The following IFI16 variants were observed in gnomAD, a reference collection of about 807,000 sequenced individuals.
IFI16 encodes gamma-interferon-inducible protein 16.
A neutral mutation model predicts 68.4 loss-of-function variants in IFI16; 49 were observed. That is an observed-to-expected ratio of 0.72 (90% CI 0.57 to 0.91). The LOEUF is 0.91. Among genes scored for constraint, IFI16 ranks in the 40% least tolerant of loss-of-function variants. The probability of loss-of-function intolerance (pLI) is 0.00; values close to 1 mark genes in which losing one functional copy is unlikely to be tolerated. For synonymous variants in IFI16, 307 were observed against 315.0 expected (o/e 0.97, Z 0.27); for missense variants, 878 against 942.9 (o/e 0.93, Z 0.90).
chr1:159,049,687 C>T, intron 9 of IFI16, 88 bp downstream of exon 9: 2 of 1,497,002 alleles, frequency 1.3e-6, no homozygotes, highest in Non-Finnish European at 1.8e-6. Flanking sequence ...CACCAATCCC[C>T]TACTACATAC....
chr1:159,025,573 T>C (rs11265132), intron 6 of IFI16, among the ~76,000 whole-genome samples: 45,346 of 152,094 alleles, frequency 0.3, 9,445 homozygotes, highest in African/African-American at 0.59. Context: ...ATTCTGGATA[T>C]TAGTCCTTTG....
Position 159,020,430 on chromosome 1 carries a change from C to T in IFI16, c.1062C>T (p.Ile354=). Residue 354 remains isoleucine (I), a synonymous_variant, in exon 6 of 12, where the codon ATC becomes ATT. Transcript: ENST00000295809. The part of the protein sequence containing the change: ...DVVGTGQCHN[I]PCEEGDKLQL... ...TGGGGACAGGACAATGTCACAATAT[C>T]CCCTGTGAAGAAGGAGATAAGCTCC... 1 of 1,611,574 alleles carries T rather than the reference C, an allele frequency of 6.2e-7. No homozygotes were observed. The highest frequency in any genetic ancestry group is 8.5e-7 in the Non-Finnish European group (1 of 1,177,846).
intron 8 of IFI16, 91 bp downstream of exon 8, chr1:159,045,555 C>T (rs1187929965): frequency 2.1e-6 from 3 of 1,435,236 alleles, no homozygotes; most frequent in East Asian, 4.6e-5. Context: ...CAATCCCCTA[C>T]TACATACAAT....
At chr1:159,047,741 T>G (rs190060850) in intron 8 of IFI16, among the ~76,000 whole-genome samples, 2 of 147,004 alleles carry the variant, frequency 1.4e-5, no homozygotes, top group African/African-American at 5.0e-5. Flanking sequence ...TCCTTGCTCT[T>G]ATACATCACA....
Position 159,054,995 on chromosome 1 carries a change from T to A in IFI16, c.*94T>A, listed in dbSNP as rs777356723. On this transcript the variant is annotated 3_prime_UTR_variant, in exon 12 of 12. Transcript: ENST00000295809. ...CCTGGTTGAAATACAACACTATACA[T>A]ACACACCACCATATATACTAGCTGT... The A allele has an allele frequency of 5.7e-5, 36 of 626,088 alleles. No individual in the cohort carries two copies. Among genetic ancestry groups the A allele is most frequent in the Non-Finnish European group, 8.2e-5 (28 of 341,766 alleles). 38.8% of individuals were successfully genotyped at this position (626,088 alleles called of 1,614,324 possible).
intron 9 of IFI16, 39 bp downstream of exon 9, chr1:159,049,638 T>C (rs1020393292): frequency 8.7e-6 from 14 of 1,611,478 alleles, no homozygotes; most frequent in Non-Finnish European, 1.1e-5. Context: ...CCCTCGCTAC[T>C]ATATAATGAC....
chr1:159,043,922 C>T (rs1654819472), intron 7 of IFI16, among the ~76,000 whole-genome samples: 1 of 152,258 alleles, frequency 6.6e-6, no homozygotes, highest in South Asian at 2.1e-4. Flanking sequence ...CATGGCAGAT[C>T]TGAAGAGAGG....
chr1:159,020,672 A>G, intron 6 of IFI16, 143 bp downstream of exon 6: 1 of 523,590 alleles, frequency 1.9e-6, no homozygotes. Flanking sequence ...ATTCACATTT[A>G]CTTTTTTTAA....
intron 6 of IFI16, among the ~76,000 whole-genome samples, chr1:159,023,637 T>C (rs1323353784): frequency 2.6e-5 from 4 of 151,858 alleles, no homozygotes; most frequent in African/African-American, 9.7e-5. Context: ...TTTTTTTTTT[T>C]AGGTTGGTGA....
At chr1:159,052,119 T>C (rs1193733922) in intron 10 of IFI16, 21 bp downstream of exon 10, 2 of 1,567,458 alleles carry the variant, frequency 1.3e-6, no homozygotes, top group East Asian at 2.3e-5. Context: ...ACCATTGTTT[T>C]ATAAAATTTC....
At chr1:159,008,947 G>T (rs998938370), upstream of IFI16, 1 of 152,090 alleles carries the variant, frequency 6.6e-6, no homozygotes, top group African/African-American at 2.4e-5. Context: ...CATCCTGCTT[G>T]CAGATCTGCT....
At chr1:159,021,240 C>T (rs1653293576) in intron 6 of IFI16, among the ~76,000 whole-genome samples, 2 of 151,938 alleles carry the variant, frequency 1.3e-5, no homozygotes, top group South Asian at 4.2e-4. Flanking sequence ...GCATTTTATC[C>T]CTCACCCCCC....
At position 159,054,804 on chromosome 1, in the gene IFI16, T is replaced by A; in HGVS notation, c.2278-17T>A. 2.0e-6 allele frequency: 3 copies of A among 1,485,542 alleles called. No individual in the cohort carries two copies. The highest frequency in any genetic ancestry group is 2.8e-6 in the Non-Finnish European group (3 of 1,067,204). 92.0% of individuals were successfully genotyped at this position (1,485,542 alleles called of 1,614,324 possible). ...CAGCATCTCAACTGGTCTGTCTTTA[T>A]CTCTTTCTCCTTCAAGGTCATCAAG... On this transcript the variant is annotated splice_polypyrimidine_tract_variant and intron_variant, in intron 11 of 11. Coordinates refer to ENST00000295809, the MANE Select transcript of IFI16 (RefSeq NM_001376587.1).
rs759225226 is a variant in IFI16, at chr1:159,049,555, C to G, written c.1621C>G (p.Pro541Ala). ...CCCAGCTGAGAGCCATCCCCACACT[C>G]CTCAGATGCCTCCATCAACACCAAG... The part of the protein sequence containing the change: ...IGPAESHPHT[P>A]QMPPSTPSSS... The change falls in exon 9 of 12, where the codon CCT becomes GCT. Residue 541 changes from proline to alanine, a missense_variant. By Grantham distance (27) the Pro-to-Ala change is conservative (BLOSUM62 -1). Transcript: ENST00000295809. The G allele has an allele frequency of 5.1e-6, 8 of 1,580,456 alleles. No homozygotes were observed. The South Asian group carries it at 9.4e-5, about 19-fold the overall frequency.
chr1:159,022,648 G>A (rs1234307484), intron 6 of IFI16, among the ~76,000 whole-genome samples: 1 of 152,198 alleles, frequency 6.6e-6, no homozygotes, highest in Non-Finnish European at 1.5e-5. Flanking sequence ...AAGAGGAACA[G>A]GCTATGACCT....
intron 7 of IFI16, among the ~76,000 whole-genome samples, chr1:159,038,425 C>T (rs546038866): frequency 9.2e-5 from 14 of 152,124 alleles, no homozygotes; most frequent in Non-Finnish European, 2.1e-4. Flanking sequence ...AGTGCAGTGG[C>T]GCAATCAAAG....
upstream of IFI16, among the ~76,000 whole-genome samples, chr1:159,003,726 G>A (rs2101773152): frequency 6.6e-6 from 1 of 152,168 alleles, no homozygotes; most frequent in African/African-American, 2.4e-5. Flanking sequence ...AGTGGCATGA[G>A]CTCGGCTCGC....
chr1:159,013,977 A>G (rs1159361858), intron 1 of IFI16, among the ~76,000 whole-genome samples: 1 of 126,698 alleles, frequency 7.9e-6, no homozygotes, highest in Non-Finnish European at 1.8e-5. Flanking sequence ...AAATAATTAG[A>G]CAAATCAAGT....
chr1:159,021,848 AT>A lies in IFI16; in HGVS notation c.1161+1321del, dbSNP rs1372263984. 7.3e-5 allele frequency among the ~76,000 whole-genome samples: 11 copies of A among 151,194 alleles called. 1 individual carries two copies. In the Middle Eastern group the frequency reaches 0.01, roughly 140 times the overall value. ...GGTTTTGATTTGCATTTCCCTGATC[AT>A]TAGTGATGTTGAGCGTTTTTCCTTA... On this transcript the variant is annotated intron_variant, in intron 6 of 11. Transcript: ENST00000295809.
Sources: allele counts gnomAD v4.1 joint callset (sites outside exome capture counted in the v4.1 genomes callset), GRCh38; gene constraint gnomAD v4.1.1; transcripts MANE v1.5; gene names NCBI Gene and HGNC (gene_info 2026-07-23, HGNC 2026-07-21).